SH3PXD2A: variants seen among roughly 807,000 people sequenced by gnomAD.
SH3PXD2A encodes SH3 and PX domains 2A, also known as SH3 and PX domain-containing protein 2A.
A neutral mutation model predicts 115.2 loss-of-function variants in SH3PXD2A; 32 were observed. The observed-to-expected ratio is 0.28, with a 90% confidence interval of 0.21 to 0.37. The LOEUF (loss-of-function observed/expected upper bound fraction) is 0.37. Ranked by LOEUF, SH3PXD2A falls within the 10% of genes least tolerant of loss-of-function variation. The pLI is 1.00. For missense variants in SH3PXD2A, 1,328 were observed against 1,498.7 expected (o/e 0.89, Z 1.88); for synonymous variants, 610 against 629.1 (o/e 0.97, Z 0.45).
In SH3PXD2A at chr10:103,661,002, G is replaced by A. The variant is rs749129158; in HGVS notation, c.585C>T (p.Val195=). 45 of 1,613,922 alleles carry A rather than the reference G, an allele frequency of 2.8e-5. No homozygotes were observed. In the Middle Eastern group the frequency reaches 8.2e-4, roughly 29 times the overall value. The change falls in exon 8 of 15, where the codon GTC becomes GTT. Residue 195 remains valine (V), a synonymous_variant. Coordinates refer to ENST00000369774, the MANE Select transcript of SH3PXD2A (RefSeq NM_001394015.1). ...LSLQAGEVVD[V]IEKNESGWWF... The stretch of plus-strand genomic sequence containing the variant: ...ACTCACCGCTCTCGTTCTTCTCGAT[G>A]ACATCCACCACCTCCCCGGCCTGGA...
chr10:103,748,270 C>T (rs1371835225), intron 3 of SH3PXD2A, among the ~76,000 whole-genome samples: 2 of 152,162 alleles, frequency 1.3e-5, no homozygotes, highest in African/African-American at 2.4e-5. Flanking sequence ...GGTTGCAAAG[C>T]GAGGAAGTGG....
At chr10:103,805,363 G>T (rs906720247) in intron 1 of SH3PXD2A, among the ~76,000 whole-genome samples, 9 of 152,336 alleles carry the variant, frequency 5.9e-5, no homozygotes, top group African/African-American at 1.2e-4. Flanking sequence ...TTGGCTGCAA[G>T]ACCCCAGCCC....
intron 5 of SH3PXD2A, among the ~76,000 whole-genome samples, chr10:103,708,666 T>A (rs1267659764): frequency 6.6e-6 from 1 of 152,290 alleles, no homozygotes; most frequent in East Asian, 1.9e-4. Context: ...TGCCTTCTAG[T>A]GTCACCTCCA....
intron 2 of SH3PXD2A, among the ~76,000 whole-genome samples, chr10:103,785,842 G>A (rs904390057): frequency 1.3e-5 from 2 of 151,526 alleles, no homozygotes; most frequent in Admixed American, 1.3e-4. Flanking sequence ...CCGCATCCTG[G>A]GATGAGACAT....
At chr10:103,718,782 C>T (rs1015762296) in intron 5 of SH3PXD2A, among the ~76,000 whole-genome samples, 3 of 151,146 alleles carry the variant, frequency 2.0e-5, no homozygotes, top group Non-Finnish European at 4.4e-5. Flanking sequence ...CACACACACA[C>T]ACACACACAC....
chr10:103,745,801 C>T (rs898320944), intron 3 of SH3PXD2A, among the ~76,000 whole-genome samples: 6 of 152,250 alleles, frequency 3.9e-5, no homozygotes, highest in African/African-American at 1.4e-4. Flanking sequence ...TCCCACACGG[C>T]TTCCGTTTCT....
intron 1 of SH3PXD2A, among the ~76,000 whole-genome samples, chr10:103,813,999 TAA>T (rs781401560): frequency 5.0e-5 from 3 of 60,338 alleles, no homozygotes; most frequent in African/African-American, 1.7e-4. Context: ...CTGGACTAGC[TAA>T]AAAAAAAAAA....
rs897077847 is a variant in SH3PXD2A at position 103,598,131 on chromosome 10, C to T, written c.*3685G>A. 5.2e-5 allele frequency: 8 copies of T among 152,644 alleles called. No homozygotes were observed. The highest frequency in any genetic ancestry group is 2.1e-4 in the South Asian group (1 of 4,836). The allele number at this position is 152,644 out of a possible 1,614,324, so 9.5% of individuals were successfully genotyped here. A position where few individuals can be genotyped will look rare whatever the true frequency, so the allele number is the denominator to read the frequency against. The stretch of plus-strand genomic sequence containing the variant: ...TTAAAATGATTCTATATAATGCCTT[C>T]GTCAAGATGGAAAATCAAGGAGGAA... On this transcript the variant is annotated 3_prime_UTR_variant, in exon 15 of 15. Coordinates refer to ENST00000369774, the MANE Select transcript of SH3PXD2A (RefSeq NM_001394015.1).
At chr10:103,717,293 T>C (rs12571512) in intron 5 of SH3PXD2A, among the ~76,000 whole-genome samples, 15,545 of 152,208 alleles carry the variant, frequency 0.1, 1,236 homozygotes, top group East Asian at 0.3. Context: ...ACTTACTAGG[T>C]GCCAGGTCCT....
intron 13 of SH3PXD2A, among the ~76,000 whole-genome samples, chr10:103,608,013 G>GCGGAAGGCCT (rs1355229147): frequency 6.6e-6 from 1 of 151,906 alleles, no homozygotes; most frequent in East Asian, 1.9e-4. Context: ...CACAAACACT[G>GCGGAAGGCCT]CGGAAGGCCT....
At chr10:103,630,305 C>A (rs2036759590) in intron 8 of SH3PXD2A, among the ~76,000 whole-genome samples, 1 of 152,230 alleles carries the variant, frequency 6.6e-6, no homozygotes, top group Non-Finnish European at 1.5e-5. Flanking sequence ...TGCCAGGAAG[C>A]ACCAGTCCCA....
intron 1 of SH3PXD2A, among the ~76,000 whole-genome samples, chr10:103,834,396 A>T (rs1564900309): frequency 6.6e-6 from 1 of 152,250 alleles, no homozygotes; most frequent in East Asian, 1.9e-4. Context: ...GTCCACAGGG[A>T]CAGAAAGCAG....
chr10:103,820,803 G>A (rs1338118844), intron 1 of SH3PXD2A, among the ~76,000 whole-genome samples: 1 of 152,194 alleles, frequency 6.6e-6, no homozygotes, highest in Non-Finnish European at 1.5e-5. Flanking sequence ...GTGGCTAGGG[G>A]CTGGCGCACA....
chr10:103,801,055 T>C (rs1415137386), intron 2 of SH3PXD2A, among the ~76,000 whole-genome samples: 1 of 152,178 alleles, frequency 6.6e-6, no homozygotes, highest in East Asian at 1.9e-4. Flanking sequence ...AAAGCGTTAC[T>C]GTTAAGACCA....
At chr10:103,657,507 G>C (rs2134040861) in intron 8 of SH3PXD2A, among the ~76,000 whole-genome samples, 1 of 152,330 alleles carries the variant, frequency 6.6e-6, no homozygotes, top group South Asian at 2.1e-4. Flanking sequence ...GCATGCCCTG[G>C]TATGGCTTGC....
chr10:103,672,952 G>A (rs1431712266), intron 6 of SH3PXD2A, among the ~76,000 whole-genome samples: 1 of 152,178 alleles, frequency 6.6e-6, no homozygotes, highest in East Asian at 1.9e-4. Context: ...AGAAAACCAG[G>A]GGCCTGGAGA....
chr10:103,684,997 A>G (rs937759388), intron 6 of SH3PXD2A, among the ~76,000 whole-genome samples: 14 of 151,520 alleles, frequency 9.2e-5, no homozygotes, highest in African/African-American at 2.4e-4. Context: ...TCCAGTCTGA[A>G]CGACAGAGCC....
intron 6 of SH3PXD2A, among the ~76,000 whole-genome samples, 189 bp downstream of exon 6, chr10:103,692,839 G>C (rs2037773659): frequency 6.6e-6 from 1 of 152,190 alleles, no homozygotes; most frequent in Non-Finnish European, 1.5e-5. Flanking sequence ...CTAGGACCAA[G>C]GGTCTCAGGG....
In SH3PXD2A at chr10:103,594,962, T is replaced by C. The variant is rs1259246135; in HGVS notation, c.*6854A>G. ...GTTCTAATTTGTGGAGGTGGGTCCC[T>C]ACTGTATGACCCATTGTGGTCACTG... is the stretch of plus-strand genomic sequence containing the variant. On this transcript the variant is annotated 3_prime_UTR_variant, in exon 15 of 15. Coordinates refer to ENST00000369774, the MANE Select transcript of SH3PXD2A (RefSeq NM_001394015.1). The C allele has an allele frequency of 2.6e-5, 4 of 152,224 alleles. No individual in the cohort carries two copies. The highest frequency in any genetic ancestry group is 4.4e-5 in the Non-Finnish European group (3 of 68,036). The allele number at this position is 152,224 out of a possible 1,614,324, so 9.4% of individuals were successfully genotyped here. A position where few individuals can be genotyped will look rare whatever the true frequency, so the allele number is the denominator to read the frequency against.
Sources: gnomAD v4.1 joint callset for allele counts (sites outside exome capture counted in the v4.1 genomes callset) on GRCh38, gnomAD v4.1.1 for gene constraint, MANE v1.5 for transcripts, NCBI Gene and HGNC (gene_info 2026-07-23, HGNC 2026-07-21) for gene names.